Variants in DCAF6 observed in about 807,000 individuals in gnomAD.
DCAF6 encodes DDB1- and CUL4-associated factor 6.
A neutral mutation model predicts 125.1 loss-of-function variants in DCAF6; 54 were observed. The ratio of observed to expected loss-of-function variants is 0.43; its 90% CI spans 0.35 to 0.54. The LOEUF is 0.54. Among genes scored for constraint, DCAF6 ranks in the 20% least tolerant of loss-of-function variants. DCAF6 has a pLI of 0.01. For missense variants in DCAF6, 934 were observed against 1,161.7 expected (o/e 0.80, Z 2.85); for synonymous variants, 371 against 390.4 (o/e 0.95, Z 0.58).
the DCAF6 span, chr1:167,878,640 A>G: frequency 1.9e-6 from 3 of 1,613,438 alleles, no homozygotes; most frequent in Non-Finnish European, 2.5e-6. Flanking sequence ...CAATGACTAT[A>G]GCAAGAAAGA....
chr1:168,054,992 A>AG (rs1690445810), intron 17 of DCAF6, among the ~76,000 whole-genome samples: 1 of 152,064 alleles, frequency 6.6e-6, no homozygotes, highest in Non-Finnish European at 1.5e-5. Context: ...AGTTTTTTGT[A>AG]TTTTTAGTAG....
intron 13 of DCAF6, among the ~76,000 whole-genome samples, chr1:168,038,732 C>T (rs141009321): frequency 3.9e-5 from 6 of 151,948 alleles, no homozygotes; most frequent in Non-Finnish European, 7.4e-5. Context: ...CAGATGATGC[C>T]GGTGCTGCTC....
intron 21 of DCAF6, 71 bp downstream of exon 21, chr1:168,068,534 T>A: frequency 1.3e-6 from 1 of 777,284 alleles, no homozygotes; most frequent in Non-Finnish European, 1.8e-6. Flanking sequence ...AGATCTGCTT[T>A]AAAGGGGTTT....
At chr1:167,982,885 G>T (rs1430824179) in intron 4 of DCAF6, among the ~76,000 whole-genome samples, 1 of 152,120 alleles carries the variant, frequency 6.6e-6, no homozygotes, top group Non-Finnish European at 1.5e-5. Flanking sequence ...CATATGGTTG[G>T]CCAGTGATCC....
chr1:167,977,148 CCTGCCT>C (rs1160198282), intron 4 of DCAF6, among the ~76,000 whole-genome samples: 1 of 150,684 alleles, frequency 6.6e-6, no homozygotes, highest in Non-Finnish European at 1.5e-5. Flanking sequence ...AGGTGATCTG[CCTGCCT>C]CTGCCTCTCA....
At chr1:167,911,660 T>G in the DCAF6 span, among the ~76,000 whole-genome samples, 1 of 152,192 alleles carries the variant, frequency 6.6e-6, no homozygotes, top group Admixed American at 6.5e-5. Context: ...TTCAGTGTAC[T>G]CTCGTGGCAA....
chr1:168,000,859 G>C (rs1050388463), intron 7 of DCAF6, among the ~76,000 whole-genome samples: 16 of 151,994 alleles, frequency 1.1e-4, no homozygotes, highest in African/African-American at 3.9e-4. Context: ...AGTGGGGAGT[G>C]GCTGATGATG....
chr1:167,896,147 T>C, the DCAF6 span, among the ~76,000 whole-genome samples: 3 of 151,972 alleles, frequency 2.0e-5, no homozygotes, highest in Admixed American at 2.0e-4. Context: ...AAGCTAGGTG[T>C]CAGCGGTGCA....
intron 21 of DCAF6, among the ~76,000 whole-genome samples, chr1:168,069,653 G>A (rs1692789019): frequency 6.6e-6 from 1 of 152,126 alleles, no homozygotes; most frequent in South Asian, 2.1e-4. Flanking sequence ...AGACCCATAT[G>A]TTTGTAATTA....
At chr1:168,072,209 A>G (rs1458376657) in intron 21 of DCAF6, among the ~76,000 whole-genome samples, 2 of 147,822 alleles carry the variant, frequency 1.4e-5, no homozygotes, top group African/African-American at 2.5e-5. Context: ...AGGCAGGAGA[A>G]TCGCCTGAAC....
intron 17 of DCAF6, among the ~76,000 whole-genome samples, chr1:168,058,218 C>T (rs1262207304): frequency 1.3e-5 from 2 of 152,102 alleles, no homozygotes; most frequent in Non-Finnish European, 2.9e-5. Flanking sequence ...TATCCATTTT[C>T]CTGTTAATGG....
At chr1:167,906,190 T>C in the DCAF6 span, among the ~76,000 whole-genome samples, 2 of 152,174 alleles carry the variant, frequency 1.3e-5, no homozygotes, top group East Asian at 3.9e-4. Context: ...GGGAAAAATA[T>C]TTGTACATTT....
chr1:168,014,886 A>G (rs192552340), intron 10 of DCAF6, among the ~76,000 whole-genome samples: 43 of 152,266 alleles, frequency 2.8e-4, no homozygotes, highest in Admixed American at 9.8e-4. Flanking sequence ...CTGAGTTGCC[A>G]TATATAAAAT....
intron 15 of DCAF6, 97 bp downstream of exon 15, chr1:168,044,768 T>C: frequency 2.1e-6 from 3 of 1,396,070 alleles, no homozygotes; most frequent in South Asian, 2.5e-5. Context: ...TTCAAGTGTA[T>C]TGTGGAAGTT....
At chr1:167,936,542 T>A (rs1486689654), upstream of DCAF6, 11 of 265,828 alleles carry the variant, frequency 4.1e-5, no homozygotes, top group South Asian at 4.2e-4. Context: ...CCAGCCTCAG[T>A]CCCCAGGGTG....
intron 7 of DCAF6, among the ~76,000 whole-genome samples, chr1:167,993,852 A>T (rs1401802158): frequency 6.6e-6 from 1 of 152,192 alleles, no homozygotes; most frequent in Non-Finnish European, 1.5e-5. Context: ...CAAAAAAAAA[A>T]ATTAATTTTC....
intron 3 of DCAF6, among the ~76,000 whole-genome samples, chr1:167,969,718 G>A (rs1677007345): frequency 6.6e-6 from 1 of 152,152 alleles, no homozygotes; most frequent in Non-Finnish European, 1.5e-5. Context: ...AAAGCTTGAT[G>A]TTTTCAAATC....
chr1:167,954,849 G>GTCA (rs1210870679), intron 2 of DCAF6, among the ~76,000 whole-genome samples: 1 of 152,148 alleles, frequency 6.6e-6, no homozygotes, highest in African/African-American at 2.4e-5. Flanking sequence ...CATACACAAA[G>GTCA]TCATCACCAC....
chr1:167,972,661 C>T (rs566838392), intron 3 of DCAF6, among the ~76,000 whole-genome samples: 1 of 152,206 alleles, frequency 6.6e-6, no homozygotes, highest in East Asian at 1.9e-4. Flanking sequence ...TGGCATGGCT[C>T]TGCTGGTGGA....
Sources: gnomAD v4.1 joint callset for allele counts (sites outside exome capture counted in the v4.1 genomes callset) on GRCh38, gnomAD v4.1.1 for gene constraint, MANE v1.5 for transcripts, NCBI Gene and HGNC (gene_info 2026-07-23, HGNC 2026-07-21) for gene names.